Variants in NALF1 observed in about 807,000 individuals in gnomAD.
NALF1 encodes the protein NALCN channel auxiliary factor 1.
In NALF1, 3 loss-of-function variants were observed where a neutral mutation model predicts 48.4. The observed-to-expected ratio is 0.06, with a 90% CI of 0.03 to 0.16. The LOEUF (loss-of-function observed/expected upper bound fraction) is 0.16, where lower values mean the gene tolerates loss of function less well. Ranked by LOEUF, NALF1 falls within the 10% of genes least tolerant of loss-of-function variation. The pLI is 1.00. For synonymous variants in NALF1, 262 were observed against 245.7 expected (o/e 1.07, Z -0.62); for missense variants, 526 against 571.5 (o/e 0.92, Z 0.81).
intron 1 of NALF1, among the ~76,000 whole-genome samples, chr13:107,663,602 T>C (rs1472053547): frequency 6.6e-6 from 1 of 152,218 alleles, no homozygotes; most frequent in East Asian, 1.9e-4. Context: ...AGTTAAACCA[T>C]AATTACTCAT....
intron 1 of NALF1, among the ~76,000 whole-genome samples, chr13:107,477,385 C>T (rs546596149): frequency 7.9e-5 from 12 of 152,230 alleles, no homozygotes; most frequent in African/African-American, 2.6e-4. Context: ...TCAAGACCCT[C>T]ACCTCTAGGA....
chr13:107,507,845 A>G (rs559817103), intron 1 of NALF1, among the ~76,000 whole-genome samples: 7 of 152,280 alleles, frequency 4.6e-5, no homozygotes, highest in East Asian at 3.9e-4. Flanking sequence ...CTCGAACTGC[A>G]TTAAGTAGAA....
chr13:107,465,890 A>G (rs71435239), intron 1 of NALF1: 3 of 152,284 alleles, frequency 2.0e-5, no homozygotes, highest in Non-Finnish European at 4.4e-5. Context: ...GCCTGTTTTA[A>G]TAAGGCACTA....
At chr13:107,534,618 C>G (rs566895951) in intron 1 of NALF1, among the ~76,000 whole-genome samples, 1 of 152,034 alleles carries the variant, frequency 6.6e-6, no homozygotes, top group Non-Finnish European at 1.5e-5. Flanking sequence ...TACAAATAAG[C>G]CAGTATTTCC....
At chr13:107,726,636 G>A (rs946625983) in intron 1 of NALF1, among the ~76,000 whole-genome samples, 2 of 132,872 alleles carry the variant, frequency 1.5e-5, no homozygotes, top group African/African-American at 5.6e-5. Context: ...TCCAGATGGA[G>A]TCTCACTCTG....
intron 1 of NALF1, among the ~76,000 whole-genome samples, chr13:107,685,575 A>G (rs1269840170): frequency 6.6e-6 from 1 of 152,250 alleles, no homozygotes; most frequent in Non-Finnish European, 1.5e-5. Context: ...TTGGAATTCA[A>G]GCACAGAATG....
rs1339397229 is a variant in NALF1 at position 107,866,220 on chromosome 13, G to A, written c.377C>T (p.Ser126Phe). The A allele has an allele frequency of 1.9e-6, 3 of 1,595,748 alleles. No individual in the cohort carries two copies. The highest frequency in any genetic ancestry group is 2.2e-5 in the East Asian group (1 of 44,640). Residue 126 changes from serine to phenylalanine, a missense_variant, in exon 1 of 3, where the codon TCC (serine) becomes TTC (phenylalanine). By Grantham distance (155) the Ser-to-Phe change is radical. Coordinates refer to ENST00000375915, the MANE Select transcript of NALF1 (RefSeq NM_001080396.3). This position sits in a 1 kb window ranked among gnomAD's most constrained non-coding sequence, Gnocchi z 4.4. The part of the protein sequence containing the change: ...AAQAHRLLSA[S>F]SSPTLPPSPG... Reference sequence around the variant, plus strand: ...GGAGGGGGGCAGGGTGGGGGACGAGGAGGCGGAGAGGAGTCTGTGTGCCTG... The same window carrying A: ...GGAGGGGGGCAGGGTGGGGGACGAGAAGGCGGAGAGGAGTCTGTGTGCCTG...
At chr13:107,438,933 T>C (rs1007122921) in intron 1 of NALF1, among the ~76,000 whole-genome samples, 1 of 151,254 alleles carries the variant, frequency 6.6e-6, no homozygotes, top group African/African-American at 2.4e-5. Context: ...CTTAGATATA[T>C]CACAATCATT....
chr13:107,544,935 G>C (rs1877096519), intron 1 of NALF1, among the ~76,000 whole-genome samples: 1 of 152,178 alleles, frequency 6.6e-6, no homozygotes, highest in African/African-American at 2.4e-5. Context: ...GCTCATGACT[G>C]TGCGACAACA....
chr13:107,725,873 T>C (rs1876134871), intron 1 of NALF1, among the ~76,000 whole-genome samples: 1 of 152,182 alleles, frequency 6.6e-6, no homozygotes, highest in Non-Finnish European at 1.5e-5. Flanking sequence ...TTTTGTAATT[T>C]TTTTTCATAT....
At chr13:107,802,620 G>A (rs1878654072) in intron 1 of NALF1, among the ~76,000 whole-genome samples, 1 of 152,024 alleles carries the variant, frequency 6.6e-6, no homozygotes, top group African/African-American at 2.4e-5. Context: ...TTCCCAGAAT[G>A]GAAAAGAGAT....
chr13:107,402,813 C>T (rs9555357), intron 1 of NALF1, among the ~76,000 whole-genome samples: 24,102 of 152,008 alleles, frequency 0.16, 2,286 homozygotes, highest in Non-Finnish European at 0.2. Context: ...TATGAACTGA[C>T]CATATGTTCA....
intron 1 of NALF1, among the ~76,000 whole-genome samples, chr13:107,581,413 A>G (rs915349237): frequency 6.6e-6 from 1 of 152,170 alleles, no homozygotes; most frequent in African/African-American, 2.4e-5. Context: ...TAATTATTAT[A>G]TATGTCTTGA....
At chr13:107,498,458 CA>C (rs1166488865) in intron 1 of NALF1, among the ~76,000 whole-genome samples, 1 of 152,018 alleles carries the variant, frequency 6.6e-6, no homozygotes, top group Non-Finnish European at 1.5e-5. Context: ...TCCTAAAAGT[CA>C]ATTGAATTTT....
Position 107,362,405 on chromosome 13 carries a change from A to G in NALF1, c.916-151650T>C, listed in dbSNP as rs945295307. Among the ~76,000 whole-genome samples, 1 of 152,166 alleles carries G rather than the reference A, an allele frequency of 6.6e-6. No individual in the cohort carries two copies. Among genetic ancestry groups the G allele is most frequent in the Admixed American group, 6.5e-5 (1 of 15,272 alleles). On this transcript the variant is annotated intron_variant, in intron 1 of 2. Transcript: ENST00000375915. This position sits in a 1 kb window ranked among gnomAD's most constrained non-coding sequence, Gnocchi z 4.6. ...ACCATGCTTCCTCTGAAACCTGTAG[A>G]GTAGCATCTTCGCTTGCCTCCTCCT...
intron 2 of NALF1, among the ~76,000 whole-genome samples, chr13:107,207,124 T>C (rs1378866400): frequency 3.3e-5 from 5 of 152,218 alleles, no homozygotes; most frequent in African/African-American, 1.2e-4. Flanking sequence ...TTCTTTTTGA[T>C]GAAGTTACTG....
chr13:107,292,718 T>C (rs761251969), intron 1 of NALF1, among the ~76,000 whole-genome samples: 44 of 152,304 alleles, frequency 2.9e-4, no homozygotes, highest in South Asian at 6.2e-4. Flanking sequence ...CTGTTTACAG[T>C]TAAAATGTTT....
chr13:107,554,546 C>A (rs1029225101), intron 1 of NALF1, among the ~76,000 whole-genome samples: 2 of 152,144 alleles, frequency 1.3e-5, no homozygotes, highest in Non-Finnish European at 2.9e-5. Context: ...GGGAGCCTTC[C>A]CCTTATCAGA....
intron 1 of NALF1, among the ~76,000 whole-genome samples, chr13:107,572,398 C>T (rs1297417877): frequency 6.6e-6 from 1 of 152,136 alleles, no homozygotes; most frequent in Non-Finnish European, 1.5e-5. Flanking sequence ...GCTGCCTCTG[C>T]TGTAATGCAA....
Sources: gnomAD v4.1 joint callset for allele counts (sites outside exome capture counted in the v4.1 genomes callset) on GRCh38, gnomAD v4.1.1 for gene constraint, Gnocchi (gnomAD v3.1) non-coding constraint, MANE v1.5 for transcripts, NCBI Gene and HGNC (gene_info 2026-07-23, HGNC 2026-07-21) for gene names.